Variants in PTPRD observed in about 807,000 individuals in gnomAD.
The protein encoded by PTPRD is receptor-type tyrosine-protein phosphatase delta.
In PTPRD, 34 loss-of-function variants were observed where a neutral mutation model predicts 214.5. The observed-to-expected ratio is 0.16, with a 90% CI of 0.12 to 0.21. PTPRD has a LOEUF of 0.21. PTPRD is among the 10% of genes least tolerant of loss of function. The probability of loss-of-function intolerance (pLI) is 1.00; values close to 1 mark genes in which losing one functional copy is unlikely to be tolerated. For missense variants in PTPRD, 2,545 were observed against 2,398.7 expected (o/e 1.06, Z -1.27); for synonymous variants, 1,128 against 845.7 (o/e 1.33, Z -5.79).
intron 7 of PTPRD, among the ~76,000 whole-genome samples, chr9:9,640,553 T>G (rs941481904): frequency 6.6e-6 from 1 of 152,180 alleles, no homozygotes; most frequent in Non-Finnish European, 1.5e-5. Flanking sequence ...GAATCATAAC[T>G]GATAAAATGT....
chr9:9,140,950 T>C (rs751512750), intron 10 of PTPRD, among the ~76,000 whole-genome samples: 37 of 152,180 alleles, frequency 2.4e-4, no homozygotes, highest in Non-Finnish European at 4.9e-4. Flanking sequence ...CCTTTCTCAA[T>C]TTCCCCTGTG....
chr9:9,768,594 G>A (rs1465539704), intron 5 of PTPRD, among the ~76,000 whole-genome samples: 1 of 151,938 alleles, frequency 6.6e-6, no homozygotes. Context: ...TGGCAGGGAC[G>A]AAATGAGGCA....
At chr9:9,708,513 A>G (rs750579613) in intron 7 of PTPRD, among the ~76,000 whole-genome samples, 7 of 152,070 alleles carry the variant, frequency 4.6e-5, no homozygotes, top group Non-Finnish European at 1.0e-4. Flanking sequence ...TTGAATTGTC[A>G]TTATTCCTAT....
At chr9:9,573,606 G>T (rs1183954115) in intron 8 of PTPRD, among the ~76,000 whole-genome samples, 1 of 151,538 alleles carries the variant, frequency 6.6e-6, no homozygotes, top group Non-Finnish European at 1.5e-5. Flanking sequence ...TATTTAAAAA[G>T]TTCATTCAGG....
chr9:8,655,988 A>G (rs1325640145), intron 12 of PTPRD, among the ~76,000 whole-genome samples: 7 of 152,214 alleles, frequency 4.6e-5, no homozygotes, highest in Non-Finnish European at 8.8e-5. Flanking sequence ...TGCTAAACCT[A>G]TCAGACAAGA....
At chr9:8,590,222 T>C (rs961819881) in intron 14 of PTPRD, among the ~76,000 whole-genome samples, 11 of 152,224 alleles carry the variant, frequency 7.2e-5, no homozygotes, top group Admixed American at 2.6e-4. Flanking sequence ...TAAGCTAGGG[T>C]TGAAAATAGC....
At chr9:8,986,208 C>T (rs553415633) in intron 11 of PTPRD, among the ~76,000 whole-genome samples, 145 of 152,120 alleles carry the variant, frequency 9.5e-4, no homozygotes, top group African/African-American at 3.3e-3. Context: ...ATCTGTTTCT[C>T]AACTGTCTAT....
chr9:9,721,569 C>T (rs1157546126), intron 7 of PTPRD, among the ~76,000 whole-genome samples: 2 of 152,036 alleles, frequency 1.3e-5, no homozygotes, highest in Non-Finnish European at 2.9e-5. Context: ...TAGGAAAAGC[C>T]CGCATTTTGC....
At chr9:10,151,084 A>T (rs2099057653) in intron 3 of PTPRD, among the ~76,000 whole-genome samples, 1 of 130,272 alleles carries the variant, frequency 7.7e-6, no homozygotes, top group Admixed American at 8.4e-5. Context: ...TTTTTGAGAC[A>T]AGAGTCTTGC....
At chr9:10,530,278 T>G (rs961110282) in intron 2 of PTPRD, among the ~76,000 whole-genome samples, 1 of 149,336 alleles carries the variant, frequency 6.7e-6, no homozygotes, top group African/African-American at 2.5e-5. Flanking sequence ...GTTCATTATT[T>G]AAAGGTATCC....
chr9:8,839,291 C>T (rs1480037917), intron 11 of PTPRD, among the ~76,000 whole-genome samples: 4 of 147,700 alleles, frequency 2.7e-5, no homozygotes, highest in African/African-American at 5.1e-5. Context: ...TTCAGATTGA[C>T]CAAGGGGATT....
At chr9:9,296,446 A>G (rs1953078319) in intron 9 of PTPRD, among the ~76,000 whole-genome samples, 1 of 151,806 alleles carries the variant, frequency 6.6e-6, no homozygotes, top group African/African-American at 2.4e-5. Flanking sequence ...TGAGTTGACC[A>G]TATGTTCAAA....
At chr9:9,942,378 T>C (rs1241628136) in intron 4 of PTPRD, among the ~76,000 whole-genome samples, 2 of 152,154 alleles carry the variant, frequency 1.3e-5, no homozygotes, top group Non-Finnish European at 2.9e-5. Context: ...TTTACTGATA[T>C]ACCATAATTT....
At chr9:8,675,756 C>T (rs779496799) in intron 12 of PTPRD, among the ~76,000 whole-genome samples, 3 of 152,082 alleles carry the variant, frequency 2.0e-5, no homozygotes, top group Non-Finnish European at 2.9e-5. Flanking sequence ...CCACCCCTGC[C>T]GTCCCCACTC....
intron 36 of PTPRD, among the ~76,000 whole-genome samples, chr9:8,394,836 A>C (rs1366609960): frequency 3.3e-5 from 5 of 152,096 alleles, no homozygotes; most frequent in Non-Finnish European, 7.4e-5. Flanking sequence ...GCTACTTCAC[A>C]TCTTGATTGG....
At chr9:10,325,743 T>C (rs1261555648) in intron 3 of PTPRD, among the ~76,000 whole-genome samples, 1 of 151,912 alleles carries the variant, frequency 6.6e-6, no homozygotes, top group South Asian at 2.1e-4. Flanking sequence ...ACATATCATA[T>C]TCAATAATTA....
At chr9:8,320,977 G>T (rs1177235633) in intron 44 of PTPRD, among the ~76,000 whole-genome samples, 1 of 152,016 alleles carries the variant, frequency 6.6e-6, no homozygotes, top group Non-Finnish European at 1.5e-5. Flanking sequence ...TTTACTGGAG[G>T]GTGTAGCTGA....
chr9:9,451,886 A>G (rs1388375573), intron 8 of PTPRD, among the ~76,000 whole-genome samples: 1 of 151,620 alleles, frequency 6.6e-6, no homozygotes, highest in Non-Finnish European at 1.5e-5. Context: ...AATTCATTAC[A>G]GAGAGAAGAG....
At chr9:9,361,177 A>G (rs570802910) in intron 9 of PTPRD, among the ~76,000 whole-genome samples, 4 of 151,248 alleles carry the variant, frequency 2.6e-5, no homozygotes, top group South Asian at 4.1e-4. Context: ...TTACAACTCA[A>G]TTGTAATAGG....
Sources: allele counts gnomAD v4.1 joint callset (sites outside exome capture counted in the v4.1 genomes callset), GRCh38; gene constraint gnomAD v4.1.1; transcripts MANE v1.5; gene names NCBI Gene and HGNC (gene_info 2026-07-23, HGNC 2026-07-21).